Variants in HDAC11 observed in about 807,000 individuals in gnomAD.
HDAC11 encodes histone deacetylase 11.
Under a neutral mutation model 41.1 loss-of-function variants are expected in HDAC11, and 23 were observed. That is an observed-to-expected ratio of 0.56 (90% CI 0.40 to 0.79). HDAC11 has a LOEUF of 0.79. HDAC11 is among the 30% of genes least tolerant of loss of function. The pLI, the probability that HDAC11 is intolerant of heterozygous loss-of-function variation, is 0.00. For missense variants in HDAC11, 402 were observed against 477.3 expected, an observed-to-expected ratio of 0.84 and a Z score of 1.47; for synonymous variants, 187 against 186.6, an observed-to-expected ratio of 1.00 and a Z score of -0.02.
chr3:13,483,558 G>A lies in HDAC11; in HGVS notation c.246G>A (p.Glu82=), dbSNP rs754926152. 1.9e-6 allele frequency: 3 copies of A among 1,612,400 alleles called. No homozygotes were observed. Among genetic ancestry groups the A allele is most frequent in the Non-Finnish European group, 2.5e-6 (3 of 1,178,842 alleles). The change falls in exon 3 of 10, where the codon GAG becomes GAA. Residue 82 remains glutamate (E), a synonymous_variant. Transcript: ENST00000295757. ...TGCACACGAGGCGCTATCTTAATGA[G>A]CTCAAGGTACAGGATGTCGGGCCTG... is the stretch of plus-strand genomic sequence containing the variant. ...LVVHTRRYLN[E]LKWSFAVATI... is the part of the protein sequence containing the mutation.
At chr3:13,496,009 C>T (rs1170805983) in intron 3 of HDAC11, among the ~76,000 whole-genome samples, 1 of 152,240 alleles carries the variant, frequency 6.6e-6, no homozygotes, top group Non-Finnish European at 1.5e-5. Context: ...AGTGGCTCTG[C>T]CTCGCGTGGG....
At chr3:13,485,911 C>G (rs1287299566) in intron 3 of HDAC11, among the ~76,000 whole-genome samples, 1 of 152,168 alleles carries the variant, frequency 6.6e-6, no homozygotes, top group Non-Finnish European at 1.5e-5. Flanking sequence ...GCATATTTGG[C>G]TTGGAGCTCC....
chr3:13,491,549 C>T (rs996722996), intron 3 of HDAC11, among the ~76,000 whole-genome samples: 3 of 152,142 alleles, frequency 2.0e-5, no homozygotes, highest in Admixed American at 1.3e-4. Context: ...AGAGGGGTTA[C>T]AGCCTAGCTC....
At chr3:13,501,846 A>G (rs1702380769) in intron 6 of HDAC11, 25 bp from the exon 7 acceptor site, 5 of 1,611,710 alleles carry the variant, frequency 3.1e-6, no homozygotes, top group Non-Finnish European at 4.2e-6. Context: ...CCAGATCCTC[A>G]TGTCTACCCT....
In HDAC11 at chr3:13,480,506, C is replaced by T. The variant is rs1195770521; in HGVS notation, c.2+157C>T. ...ACGCTCGGGACGGGTGTTTCCAGGC[C>T]CTCCCGGCGCGCCAGGCCAGCCCCG... On this transcript the variant is annotated intron_variant, in intron 1 of 9. Coordinates refer to ENST00000295757, the MANE Select transcript of HDAC11 (RefSeq NM_024827.4). This position sits in a 1 kb window ranked among gnomAD's most constrained non-coding sequence, Gnocchi z 4.6. 7 of 371,198 alleles carry T rather than the reference C, an allele frequency of 1.9e-5. No individual in the cohort carries two copies. Among genetic ancestry groups the T allele is most frequent in the Non-Finnish European group, 2.7e-5 (6 of 222,090 alleles). The allele number at this position is 371,198 out of a possible 1,614,324, so 23.0% of individuals were successfully genotyped here.
intron 4 of HDAC11, 34 bp downstream of exon 4, chr3:13,496,886 G>A (rs750679348): frequency 7.7e-7 from 1 of 1,299,968 alleles, no homozygotes. Flanking sequence ...CTGGGCTGGG[G>A]GCCCCCACAC....
chr3:13,491,830 C>T (rs1401067595), intron 3 of HDAC11, among the ~76,000 whole-genome samples: 2 of 152,246 alleles, frequency 1.3e-5, no homozygotes, highest in Non-Finnish European at 2.9e-5. Context: ...ATAGTGTGCT[C>T]ATTCACCCAG....
chr3:13,483,241 T>A (rs2630455), intron 2 of HDAC11, among the ~76,000 whole-genome samples: 2 of 151,886 alleles, frequency 1.3e-5, no homozygotes, highest in African/African-American at 4.8e-5. Context: ...ACATGGGGAT[T>A]GCTGTGTGTA....
chr3:13,492,407 C>G (rs922344207), intron 3 of HDAC11, among the ~76,000 whole-genome samples: 1 of 152,210 alleles, frequency 6.6e-6, no homozygotes, highest in African/African-American at 2.4e-5. Context: ...AGTGAGCAGA[C>G]GCGTGCTGTC....
chr3:13,504,872 A>G lies in HDAC11; in HGVS notation c.*189A>G, dbSNP rs1035145496. 3.2e-6 allele frequency: 2 copies of G among 619,294 alleles called. No individual in the cohort carries two copies. Among genetic ancestry groups the G allele is most frequent in the South Asian group, 3.8e-5 (2 of 51,988 alleles). 38.4% of individuals were successfully genotyped at this position (619,294 alleles called of 1,614,324 possible). ...GAAGCCAGAAGGGCTTGAGGCCTCT[A>G]TGGGTGGGGGCAGAAGGCAGAGCCT... On this transcript the variant is annotated 3_prime_UTR_variant, in exon 10 of 10. Coordinates refer to ENST00000295757, the MANE Select transcript of HDAC11 (RefSeq NM_024827.4).
At chr3:13,503,193 A>T (rs896300022) in intron 8 of HDAC11, 5 of 373,942 alleles carry the variant, frequency 1.3e-5, no homozygotes, top group Non-Finnish European at 2.4e-5. Flanking sequence ...ATAAACATGC[A>T]TTTGTCTGGC....
chr3:13,483,795 C>T (rs902691159), intron 3 of HDAC11, among the ~76,000 whole-genome samples: 5 of 152,152 alleles, frequency 3.3e-5, no homozygotes, highest in African/African-American at 9.7e-5. Flanking sequence ...GGTGTCCTCC[C>T]CTTCTCCAGG....
chr3:13,484,604 G>C (rs896055667), intron 3 of HDAC11, among the ~76,000 whole-genome samples: 23 of 152,232 alleles, frequency 1.5e-4, no homozygotes, highest in Non-Finnish European at 2.8e-4. Context: ...TCAGCTCACT[G>C]TAACCTCCGC....
chr3:13,501,707 A>G lies in HDAC11; in HGVS notation c.490-164A>G, dbSNP rs375128357. The G allele has an allele frequency of 1.6e-5, 12 of 730,556 alleles. No homozygotes were observed. In the African/African-American group the frequency reaches 2.1e-4, roughly 13 times the overall value. The allele number at this position is 730,556 out of a possible 1,614,324, so 45.3% of individuals were successfully genotyped here. On this transcript the variant is annotated intron_variant, in intron 6 of 9. Coordinates refer to ENST00000295757, the MANE Select transcript of HDAC11 (RefSeq NM_024827.4). ...TGCACACATGGAGCCCCACAGCTGG[A>G]GCTGCACAGCTCTCCCTGGCAAGTG...
Position 13,487,095 on chromosome 3 carries a change from T to C in HDAC11, c.252+3531T>C, listed in dbSNP as rs144334952. ...AGTGTATATGTTGTTCCAGGGACCT[T>C]GGACAGTCACGAGGGGGTTTTCAGC... On this transcript the variant is annotated intron_variant, in intron 3 of 9. Coordinates refer to ENST00000295757, the MANE Select transcript of HDAC11 (RefSeq NM_024827.4). 8.5e-5 allele frequency among the ~76,000 whole-genome samples: 13 copies of C among 152,192 alleles called. No homozygotes were observed. In the East Asian group the frequency reaches 2.1e-3, roughly 25 times the overall value.
chr3:13,498,968 T>G (rs1702232176), intron 5 of HDAC11, among the ~76,000 whole-genome samples: 1 of 151,954 alleles, frequency 6.6e-6, no homozygotes, highest in African/African-American at 2.4e-5. Flanking sequence ...CACAGAGGCT[T>G]GGTCATGTTG....
chr3:13,487,618 G>A (rs529636173), intron 3 of HDAC11, among the ~76,000 whole-genome samples: 44 of 152,234 alleles, frequency 2.9e-4, no homozygotes, highest in African/African-American at 8.2e-4. Context: ...GTTGATTCTC[G>A]GGTGACAGTT....
rs1306317580 is a variant in HDAC11 at position 13,501,301 on chromosome 3, C to T, written c.489+512C>T. Among the ~76,000 whole-genome samples the T allele has an allele frequency of 2.6e-5, 4 of 152,222 alleles. No homozygotes were observed. In the East Asian group the frequency reaches 7.7e-4, roughly 29 times the overall value. Reference sequence around the variant, plus strand: ...TCTGTGGGGCCCCACAACTCCCCTGCCACTCTGTGCCTGGCCTTGTGCTGG... The same window carrying T: ...TCTGTGGGGCCCCACAACTCCCCTGTCACTCTGTGCCTGGCCTTGTGCTGG... On this transcript the variant is annotated intron_variant, in intron 6 of 9. Coordinates refer to ENST00000295757, the MANE Select transcript of HDAC11 (RefSeq NM_024827.4).
chr3:13,483,674 C>A, intron 3 of HDAC11, 110 bp downstream of exon 3: 2 of 778,102 alleles, frequency 2.6e-6, no homozygotes, highest in Non-Finnish European at 4.5e-6. Flanking sequence ...TCTCACAGGG[C>A]ACCCATTCAT....
Sources: gnomAD v4.1 joint callset for allele counts (sites outside exome capture counted in the v4.1 genomes callset) on GRCh38, gnomAD v4.1.1 for gene constraint, Gnocchi (gnomAD v3.1) non-coding constraint, MANE v1.5 for transcripts, NCBI Gene and HGNC (gene_info 2026-07-23, HGNC 2026-07-21) for gene names.